The following ACAT1 variants were observed in gnomAD, a reference collection of about 807,000 sequenced individuals.
ACAT1 encodes the protein acetyl-CoA acetyltransferase, mitochondrial.
A neutral mutation model predicts 47.3 loss-of-function variants in ACAT1; 28 were observed. The observed-to-expected ratio is 0.59, with a 90% CI of 0.44 to 0.81. ACAT1 has a LOEUF of 0.81. Among genes scored for constraint, ACAT1 ranks in the 30% least tolerant of loss-of-function variants. ACAT1 has a pLI of 0.00. For synonymous variants in ACAT1, 181 were observed against 173.6 expected (o/e 1.04, Z -0.34); for missense variants, 469 against 524.3 (o/e 0.89, Z 1.03).
intron 5 of ACAT1, chr11:108,136,708 T>C (rs920044856): frequency 7.2e-5 from 11 of 152,262 alleles, no homozygotes; most frequent in African/African-American, 1.9e-4. Flanking sequence ...TAATGAAGAA[T>C]TGATACCTTA....
intron 1 of ACAT1, among the ~76,000 whole-genome samples, chr11:108,129,424 A>C (rs1457479608): frequency 6.6e-6 from 1 of 152,018 alleles, no homozygotes; most frequent in African/African-American, 2.4e-5. Context: ...GCTGGAATGC[A>C]GTGGCGTGAT....
intron 5 of ACAT1, chr11:108,136,576 T>G (rs1472175263): frequency 6.5e-6 from 1 of 152,868 alleles, no homozygotes; most frequent in African/African-American, 2.4e-5. Context: ...TGTACTATAT[T>G]GAAATACTTT....
intron 5 of ACAT1, among the ~76,000 whole-genome samples, chr11:108,135,675 A>G (rs926351865): frequency 5.9e-5 from 9 of 152,158 alleles, no homozygotes; most frequent in African/African-American, 2.2e-4. Context: ...TAAAAATACA[A>G]AAATTAGCTG....
At chr11:108,127,721 T>C (rs1289015979) in intron 1 of ACAT1, among the ~76,000 whole-genome samples, 1 of 152,220 alleles carries the variant, frequency 6.6e-6, no homozygotes, top group South Asian at 2.1e-4. Flanking sequence ...TAAATATGAC[T>C]AATGAGGTAG....
rs1034537558 is a variant in ACAT1 at position 108,145,231 on chromosome 11, A to C, written c.1006-971A>C. On this transcript the variant is annotated intron_variant, in intron 10 of 11. Coordinates refer to ENST00000265838, the MANE Select transcript of ACAT1 (RefSeq NM_000019.4). ...AACAAAACAGATCATATAGTGTAAG[A>C]TTTTAAATAAATGACTTACAATGAA... is the stretch of plus-strand genomic sequence containing the variant. Among the ~76,000 whole-genome samples, 3 of 152,220 alleles carry C rather than the reference A, an allele frequency of 2.0e-5. No homozygotes were observed. The East Asian group carries it at 5.8e-4, about 29-fold the overall frequency.
intron 2 of ACAT1, 53 bp downstream of exon 2, chr11:108,132,007 A>G (rs1293982873): frequency 1.9e-6 from 2 of 1,074,206 alleles, no homozygotes; most frequent in Non-Finnish European, 2.9e-6. Flanking sequence ...GGAAATGTCA[A>G]TAAAAATGCA....
chr11:108,126,201 C>T (rs1244514918), intron 1 of ACAT1, among the ~76,000 whole-genome samples: 2 of 152,120 alleles, frequency 1.3e-5, no homozygotes, highest in Admixed American at 6.5e-5. Context: ...CGGGGTTTCA[C>T]CATGTTGGCC....
Position 108,140,054 on chromosome 11 carries a change from CT to C in ACAT1, c.580-6del. On this transcript the variant is annotated splice_polypyrimidine_tract_variant and intron_variant, in intron 6 of 11. Transcript: ENST00000265838. ...CAAAGTTAACTTTAAAATATTTCAACTTTTTATCAGGGCAGCTGTGCTGAGA... is the reference window on the plus strand; with the variant it reads ...CAAAGTTAACTTTAAAATATTTCAACTTTTATCAGGGCAGCTGTGCTGAGA... 2 of 1,611,658 alleles carry C rather than the reference CT, an allele frequency of 1.2e-6. No homozygotes were observed. Among genetic ancestry groups the C allele is most frequent in the Non-Finnish European group, 1.7e-6 (2 of 1,178,556 alleles).
chr11:108,125,547 A>G (rs1269142419), intron 1 of ACAT1, among the ~76,000 whole-genome samples: 2 of 152,224 alleles, frequency 1.3e-5, no homozygotes, highest in Non-Finnish European at 2.9e-5. Flanking sequence ...AAATAAAGAT[A>G]TTCATATAAA....
At chr11:108,120,895 C>CG (rs1220365775), upstream of ACAT1, among the ~76,000 whole-genome samples, 420 of 149,514 alleles carry the variant, frequency 2.8e-3, 3 homozygotes, top group African/African-American at 4.8e-3. Flanking sequence ...CTAGTCTCTA[C>CG]AAAAAAAAAA....
intron 6 of ACAT1, 152 bp downstream of exon 6, chr11:108,139,193 T>G: frequency 1.0e-6 from 1 of 981,222 alleles, no homozygotes; most frequent in Non-Finnish European, 1.6e-6. Context: ...TGTATGCCTA[T>G]TGCATCGGCA....
intron 10 of ACAT1, among the ~76,000 whole-genome samples, chr11:108,144,889 T>C (rs567132662): frequency 1.6e-4 from 25 of 152,324 alleles, no homozygotes; most frequent in African/African-American, 5.8e-4. Flanking sequence ...ATTCTGAAGG[T>C]AGAATAACTT....
At position 108,146,882 on chromosome 11, in the gene ACAT1, C is replaced by A. The variant is rs190874847; in HGVS notation, c.1164-388C>A. Among the ~76,000 whole-genome samples, 11 of 152,328 alleles carry A rather than the reference C, an allele frequency of 7.2e-5. No individual in the cohort carries two copies. In the East Asian group the frequency reaches 2.1e-3, roughly 29 times the overall value. On this transcript the variant is annotated intron_variant, in intron 11 of 11. Coordinates refer to ENST00000265838, the MANE Select transcript of ACAT1 (RefSeq NM_000019.4). ...AGATCACGAGGTCAAGAGATAGAGG[C>A]CATCCTGGCCAACATGGCGAAACCC...
intron 1 of ACAT1, among the ~76,000 whole-genome samples, chr11:108,131,004 C>T (rs531909870): frequency 2.0e-5 from 3 of 152,252 alleles, no homozygotes; most frequent in East Asian, 3.9e-4. Context: ...ATGCCCACCG[C>T]AGCCTTCCAA....
chr11:108,131,828 T>C (rs867163195), intron 1 of ACAT1, 79 bp from the exon 2 acceptor site: 14 of 658,914 alleles, frequency 2.1e-5, no homozygotes, highest in Middle Eastern at 4.9e-4. Context: ...GAAACCACTA[T>C]AACCTTATCA....
At chr11:108,121,226 T>A, upstream of ACAT1, 1 of 305,176 alleles carries the variant, frequency 3.3e-6, no homozygotes, top group East Asian at 8.7e-5. Flanking sequence ...AATCCTAAAA[T>A]ATTTTCATGA....
chr11:108,146,810 G>A (rs765675686), intron 11 of ACAT1, among the ~76,000 whole-genome samples: 2 of 152,150 alleles, frequency 1.3e-5, no homozygotes, highest in East Asian at 1.9e-4. Context: ...GGCCAGGCAC[G>A]GTGGCTCACG....
upstream of ACAT1, among the ~76,000 whole-genome samples, chr11:108,118,265 CTAA>C (rs1451347784): frequency 6.6e-6 from 1 of 152,008 alleles, no homozygotes; most frequent in Non-Finnish European, 1.5e-5. Context: ...AATACTAGTA[CTAA>C]TAATAATAAA....
Position 108,133,902 on chromosome 11 carries a change from G to GT in ACAT1, c.205dup (p.Ser69PhefsTer9). ...TCCTTGCTGCCAGCCACTAAGCTTG[G>GT]TTCCATTGCAATTCAGGGAGCCATT... On this transcript the variant is annotated frameshift_variant, in exon 3 of 12. Transcript: ENST00000265838. LOFTEE classifies it high-confidence loss of function. 1 of 1,614,066 alleles carries GT rather than the reference G, an allele frequency of 6.2e-7. No homozygotes were observed. Among genetic ancestry groups the GT allele is most frequent in the Non-Finnish European group, 8.5e-7 (1 of 1,180,012 alleles).
Sources: allele counts gnomAD v4.1 joint callset (sites outside exome capture counted in the v4.1 genomes callset), GRCh38; gene constraint gnomAD v4.1.1; transcripts MANE v1.5; gene names NCBI Gene and HGNC (gene_info 2026-07-23, HGNC 2026-07-21).